Variants in TRAPPC8 observed in about 807,000 individuals in gnomAD.
TRAPPC8 encodes trafficking protein particle complex subunit 8, also known as general sporulation gene 1 homolog.
A neutral mutation model predicts 174.3 loss-of-function variants in TRAPPC8; 54 were observed. The observed-to-expected ratio is 0.31, with a 90% CI of 0.25 to 0.39. The LOEUF (loss-of-function observed/expected upper bound fraction) is 0.39. Ranked by LOEUF, TRAPPC8 falls within the 10% of genes least tolerant of loss-of-function variation. The pLI is 1.00. For missense variants in TRAPPC8, 1,531 were observed against 1,699.1 expected (o/e 0.90, Z 1.74); for synonymous variants, 630 against 579.9 (o/e 1.09, Z -1.24).
chr18:31,863,975 A>G (rs570324650), intron 19 of TRAPPC8, among the ~76,000 whole-genome samples: 38 of 149,556 alleles, frequency 2.5e-4, no homozygotes, highest in African/African-American at 9.0e-4. Flanking sequence ...GTATAATACT[A>G]AAGTATTATA....
rs780973828 is a variant in TRAPPC8, at chr18:31,916,247, A to C, written c.617+25T>G. On this transcript the variant is annotated intron_variant, in intron 4 of 28. Transcript: ENST00000283351. The stretch of plus-strand genomic sequence containing the variant: ...ATGTTAAATCATTTAACTGGAAAAA[A>C]TTTAAAACTAAAATAAAAACTTACC... The C allele has an allele frequency of 4.8e-6, 7 of 1,443,302 alleles. No individual in the cohort carries two copies. The East Asian group carries it at 1.6e-4, about 32-fold the overall frequency. 89.4% of individuals were successfully genotyped at this position (1,443,302 alleles called of 1,614,324 possible). A position where few individuals can be genotyped will look rare whatever the true frequency, so the allele number is the denominator to read the frequency against.
intron 4 of TRAPPC8, among the ~76,000 whole-genome samples, chr18:31,915,130 G>A (rs898398933): frequency 2.0e-5 from 3 of 152,182 alleles, no homozygotes; most frequent in Admixed American, 6.5e-5. Flanking sequence ...TGTACAGACT[G>A]TATAACAATT....
At chr18:31,923,679 T>TGG (rs201793550) in intron 2 of TRAPPC8, among the ~76,000 whole-genome samples, 4,205 of 151,980 alleles carry the variant, frequency 0.028, 81 homozygotes, top group Middle Eastern at 0.058. Flanking sequence ...CGTATCTCAT[T>TGG]CTCAGTCTTC....
At chr18:31,940,792 C>A (rs908806362) in intron 1 of TRAPPC8, among the ~76,000 whole-genome samples, 1 of 152,078 alleles carries the variant, frequency 6.6e-6, no homozygotes, top group Non-Finnish European at 1.5e-5. Context: ...CCACCGCGCC[C>A]GGCCGAAAAT....
intron 1 of TRAPPC8, among the ~76,000 whole-genome samples, chr18:31,934,863 C>T (rs747821508): frequency 3.3e-5 from 5 of 151,496 alleles, no homozygotes; most frequent in Non-Finnish European, 7.4e-5. Flanking sequence ...GCTGAGATCA[C>T]ACTACTGCAC....
rs1436517784 is a variant in TRAPPC8, at chr18:31,915,482, G to GGGC, written c.617+789_617+790insGCC. Among the ~76,000 whole-genome samples, 63 of 116,942 alleles carry GGGC rather than the reference G, an allele frequency of 5.4e-4. 2 individuals carry two copies. The highest frequency in any genetic ancestry group is 1.8e-3 in the African/African-American group (55 of 31,374). 76.7% of individuals were successfully genotyped at this position (116,942 alleles called of 152,430 possible). A position where few individuals can be genotyped will look rare whatever the true frequency, so the allele number is the denominator to read the frequency against. On this transcript the variant is annotated intron_variant, in intron 4 of 28. Transcript: ENST00000283351. ...CATCAAAAAAAAAGGGGGGGGGGGC[G>GGGC]CAGGCGCAGTGGCTCCCGCCTGTCA...
intron 2 of TRAPPC8, among the ~76,000 whole-genome samples, chr18:31,926,225 T>G (rs1037162735): frequency 6.6e-6 from 1 of 152,208 alleles, no homozygotes; most frequent in Non-Finnish European, 1.5e-5. Context: ...TATTTATGCA[T>G]GGAGACCCTT....
At chr18:31,899,797 T>G (rs2036337316) in intron 10 of TRAPPC8, among the ~76,000 whole-genome samples, 1 of 151,548 alleles carries the variant, frequency 6.6e-6, no homozygotes, top group Non-Finnish European at 1.5e-5. Context: ...ATACAAAAAA[T>G]TAGCTGGGCA....
intron 25 of TRAPPC8, among the ~76,000 whole-genome samples, chr18:31,848,234 A>ATC (rs1458917822): frequency 6.6e-6 from 1 of 152,176 alleles, no homozygotes; most frequent in East Asian, 1.9e-4. Flanking sequence ...ACAATCTTAG[A>ATC]TAACTTTCTT....
At chr18:31,868,269 T>C (rs1167365613) in intron 16 of TRAPPC8, among the ~76,000 whole-genome samples, 1 of 152,126 alleles carries the variant, frequency 6.6e-6, no homozygotes, top group South Asian at 2.1e-4. Context: ...AACAAAAAAC[T>C]CCCTACATTC....
chr18:31,850,364 A>C (rs2033647220), intron 24 of TRAPPC8, among the ~76,000 whole-genome samples: 1 of 152,212 alleles, frequency 6.6e-6, no homozygotes, highest in African/African-American at 2.4e-5. Context: ...TCACCAAGAA[A>C]ATAAAAATAA....
At chr18:31,901,336 A>T (rs562707399) in intron 9 of TRAPPC8, among the ~76,000 whole-genome samples, 37 of 152,302 alleles carry the variant, frequency 2.4e-4, no homozygotes, top group African/African-American at 8.2e-4. Context: ...TCTTGTGAGC[A>T]AAGACTGCAG....
At position 31,857,685 on chromosome 18, in the gene TRAPPC8, T is replaced by A; in HGVS notation, c.3043A>T (p.Ile1015Phe). 1 of 1,614,134 alleles carries A rather than the reference T, an allele frequency of 6.2e-7. No homozygotes were observed. Among genetic ancestry groups the A allele is most frequent in the Non-Finnish European group, 8.5e-7 (1 of 1,180,008 alleles). The change falls in exon 20 of 29, where the codon ATT becomes TTT. Residue 1015 changes from isoleucine to phenylalanine, a missense_variant. Physicochemically the swap from Ile to Phe is conservative, Grantham distance 21 (BLOSUM62 0). Transcript: ENST00000283351. ...ACAGTGTCAGGAAGGGGAACAGGAA[T>A]CACCTCTGGTTGACTTCCTGTGCCA... ...GIGTGSQPEV[I>F]PVPLPDTVLL...
Position 31,908,744 on chromosome 18 carries a change from C to T in TRAPPC8, c.1122+10G>A, listed in dbSNP as rs1276929416. ...TTTTTAAAATACTAATCCAAAAAAT[C>T]AAACCTTACCTGATCGTTTAATTGC... On this transcript the variant is annotated intron_variant, in intron 7 of 28. Transcript: ENST00000283351. 1.3e-6 allele frequency: 2 copies of T among 1,524,566 alleles called. No homozygotes were observed. The highest frequency in any genetic ancestry group is 2.7e-5 in the South Asian group (2 of 75,450). 94.4% of individuals were successfully genotyped at this position (1,524,566 alleles called of 1,614,324 possible).
At chr18:31,845,702 T>A (rs1009211514) in intron 26 of TRAPPC8, among the ~76,000 whole-genome samples, 1 of 152,186 alleles carries the variant, frequency 6.6e-6, no homozygotes, top group African/African-American at 2.4e-5. Context: ...TTGAAAGTTT[T>A]CTGTAAGTTT....
Position 31,880,249 on chromosome 18 carries a change from T to C in TRAPPC8, c.1729-5545A>G, listed in dbSNP as rs555749216. 6.7e-4 allele frequency among the ~76,000 whole-genome samples: 100 copies of C among 150,260 alleles called. 1 individual carries two copies. Among genetic ancestry groups the C allele is most frequent in the Non-Finnish European group, 1.2e-3 (83 of 67,526 alleles). ...ATGATGAACACAGATGCAAAAACCA[T>C]CAATAAAATACTAGCAAACCAAATC... On this transcript the variant is annotated intron_variant, in intron 12 of 28. Coordinates refer to ENST00000283351, the MANE Select transcript of TRAPPC8 (RefSeq NM_014939.5).
chr18:31,849,625 C>T lies in TRAPPC8; in HGVS notation c.3676G>A (p.Ala1226Thr). 5 of 1,612,898 alleles carry T rather than the reference C, an allele frequency of 3.1e-6. No homozygotes were observed. The highest frequency in any genetic ancestry group is 1.7e-6 in the Non-Finnish European group (2 of 1,179,592). The change falls in exon 25 of 29, where the codon GCT (alanine) becomes ACT (threonine). Residue 1226 changes from alanine (A) to threonine (T), a missense_variant. Ala to Thr is a moderately conservative substitution (Grantham distance 58, BLOSUM62 0). Coordinates refer to ENST00000283351, the MANE Select transcript of TRAPPC8 (RefSeq NM_014939.5). ...CTGCATTTTTGAATCAATCTCACAG[C>T]ATCCTCTGTTGACTGTTTTTCTGTA... ...VHTEKQSTED[A>T]VRLIQKCSEV...
At chr18:31,908,698 T>G in intron 7 of TRAPPC8, 56 bp downstream of exon 7, 1 of 1,431,354 alleles carries the variant, frequency 7.0e-7, no homozygotes, top group Non-Finnish European at 9.2e-7. Flanking sequence ...TAATAATTCT[T>G]AAATTTACTA....
chr18:31,938,650 A>C (rs2038202499), intron 1 of TRAPPC8, among the ~76,000 whole-genome samples: 1 of 152,222 alleles, frequency 6.6e-6, no homozygotes, highest in African/African-American at 2.4e-5. Context: ...CCCTAAGTAA[A>C]GGCATACCTA....
Sources: allele counts gnomAD v4.1 joint callset (sites outside exome capture counted in the v4.1 genomes callset), GRCh38; gene constraint gnomAD v4.1.1; transcripts MANE v1.5; gene names NCBI Gene and HGNC (gene_info 2026-07-23, HGNC 2026-07-21).